The following COL23A1 variants were observed in gnomAD, a reference collection of about 807,000 sequenced individuals.
The protein encoded by COL23A1 is collagen alpha-1(XXIII) chain.
A neutral mutation model predicts 99.3 loss-of-function variants in COL23A1; 97 were observed. That is an observed-to-expected ratio of 0.98 (90% confidence interval 0.83 to 1.16). The LOEUF is 1.16. Ranked by LOEUF, COL23A1 falls within the 50% of genes most tolerant of loss-of-function variation. The probability of loss-of-function intolerance (pLI) is 0.00; values close to 1 mark genes in which losing one functional copy is unlikely to be tolerated. For synonymous variants in COL23A1, 320 were observed against 308.2 expected (o/e 1.04, Z -0.40); for missense variants, 762 against 757.4 (o/e 1.01, Z -0.07).
At chr5:178,553,713 C>T (rs897551523) in intron 2 of COL23A1, among the ~76,000 whole-genome samples, 3 of 152,194 alleles carry the variant, frequency 2.0e-5, no homozygotes, top group African/African-American at 7.2e-5. Flanking sequence ...TGAGGGTTCA[C>T]GGCCACACAC....
intron 2 of COL23A1, among the ~76,000 whole-genome samples, chr5:178,486,518 C>T (rs1012422270): frequency 5.3e-5 from 8 of 150,842 alleles, no homozygotes; most frequent in African/African-American, 9.8e-5. Flanking sequence ...CTACGCTCAA[C>T]GAGAAAAGGA....
rs191626328 is a variant in COL23A1, at chr5:178,339,671, G to C, written c.362-32752C>G. 2.9e-3 allele frequency among the ~76,000 whole-genome samples: 438 copies of C among 152,332 alleles called. 3 individuals are homozygous for C. Among genetic ancestry groups the C allele is most frequent in the Middle Eastern group, 0.01 (3 of 294 alleles). ...TTTATGCACTGGAGTAAACATGAGT[G>C]GGGGGACGTGAATCTGCCAGCGCCT... On this transcript the variant is annotated intron_variant, in intron 2 of 28. Transcript: ENST00000390654.
At chr5:178,250,401 C>A (rs994835259) in intron 17 of COL23A1, among the ~76,000 whole-genome samples, 1 of 152,218 alleles carries the variant, frequency 6.6e-6, no homozygotes, top group Non-Finnish European at 1.5e-5. Context: ...ACCAGATCTG[C>A]CTGACTTCAA....
intron 1 of COL23A1, among the ~76,000 whole-genome samples, chr5:178,577,660 G>C (rs1763449877): frequency 6.6e-6 from 1 of 152,212 alleles, no homozygotes; most frequent in Non-Finnish European, 1.5e-5. Context: ...ACCAGAGCGA[G>C]TGTCAAGGGG....
chr5:178,381,511 T>C (rs1016661746), intron 2 of COL23A1, among the ~76,000 whole-genome samples: 1 of 152,186 alleles, frequency 6.6e-6, no homozygotes, highest in African/African-American at 2.4e-5. Context: ...TGAGCTGTGC[T>C]GTTACCATCT....
At chr5:178,322,022 TTG>T (rs1476085268) in intron 2 of COL23A1, among the ~76,000 whole-genome samples, 1 of 150,202 alleles carries the variant, frequency 6.7e-6, no homozygotes, top group African/African-American at 2.5e-5. Context: ...AGACGGAGTC[TTG>T]CTCTGTCACC....
chr5:178,572,227 A>C (rs1016626676), intron 1 of COL23A1, among the ~76,000 whole-genome samples: 8 of 152,160 alleles, frequency 5.3e-5, no homozygotes, highest in Admixed American at 1.3e-4. Flanking sequence ...AAATGAACAC[A>C]CAGAGAATTA....
chr5:178,453,974 G>C (rs1767630540), intron 2 of COL23A1, among the ~76,000 whole-genome samples: 1 of 152,094 alleles, frequency 6.6e-6, no homozygotes, highest in Non-Finnish European at 1.5e-5. Context: ...AAGTTTGTAA[G>C]ATAAAACCAT....
intron 2 of COL23A1, among the ~76,000 whole-genome samples, chr5:178,368,592 A>G (rs1762623249): frequency 6.6e-6 from 1 of 152,192 alleles, no homozygotes; most frequent in South Asian, 2.1e-4. Context: ...AGCTCCATCC[A>G]TATACCTCTC....
intron 3 of COL23A1, among the ~76,000 whole-genome samples, chr5:178,291,224 G>A (rs934809672): frequency 1.3e-5 from 2 of 152,174 alleles, no homozygotes; most frequent in African/African-American, 4.8e-5. Context: ...AGGCCACACG[G>A]GGAGGCAGCA....
chr5:178,561,063 G>A (rs1030353544), intron 1 of COL23A1, among the ~76,000 whole-genome samples: 3 of 152,156 alleles, frequency 2.0e-5, no homozygotes, highest in South Asian at 2.1e-4. Flanking sequence ...AAGCCACAGC[G>A]ACCACCAGCC....
In COL23A1 at chr5:178,248,233, C is replaced by G; in HGVS notation, c.1171G>C (p.Glu391Gln). ...CTGTCAGACGCCGACTCCCCCTTCT[C>G]CCCCTTGAGGCCGTCAGCGCCCTGC... ...GLPGADGLKG[E>Q]KGESASDSLQ... The change falls in exon 20 of 29, where the codon GAG becomes CAG. Residue 391 changes from glutamate to glutamine, a missense_variant. By Grantham distance (29) the Glu-to-Gln change is conservative. Transcript: ENST00000390654. The G allele has an allele frequency of 3.7e-6, 6 of 1,611,572 alleles. No individual in the cohort carries two copies. The highest frequency in any genetic ancestry group is 1.1e-5 in the South Asian group (1 of 90,826).
At chr5:178,570,703 G>A (rs1224379500) in intron 1 of COL23A1, among the ~76,000 whole-genome samples, 1 of 152,144 alleles carries the variant, frequency 6.6e-6, no homozygotes, top group Non-Finnish European at 1.5e-5. Flanking sequence ...TTTGAGACAG[G>A]CAACAACTGC....
rs776578327 is a variant in COL23A1 at position 178,256,819 on chromosome 5, G to A, written c.837+47C>T. ...ATCTCCCACTCCCGACTGGGTGGAG[G>A]TCTGAGCGGGGCCCGCAGGCGCCAG... On this transcript the variant is annotated intron_variant, in intron 14 of 28. Transcript: ENST00000390654. 7 of 1,573,436 alleles carry A rather than the reference G, an allele frequency of 4.4e-6. No individual in the cohort carries two copies. In the African/African-American group the frequency reaches 9.5e-5, roughly 21 times the overall value.
chr5:178,309,764 G>A lies in COL23A1; in HGVS notation c.362-2845C>T, dbSNP rs904766620. ...CTGGACCCCTTCCTTCTCAGCATCA[G>A]GCGAACGCTGCCCCTGCACTCAGTC... On this transcript the variant is annotated intron_variant, in intron 2 of 28. Transcript: ENST00000390654. The surrounding 1 kb of genome is among the most constrained non-coding windows in gnomAD (Gnocchi z 4.7). Among the ~76,000 whole-genome samples, 5 of 151,684 alleles carry A rather than the reference G, an allele frequency of 3.3e-5. No individual in the cohort carries two copies. The highest frequency in any genetic ancestry group is 1.3e-4 in the Admixed American group (2 of 15,230).
At chr5:178,576,756 T>A (rs1763383445) in intron 1 of COL23A1, among the ~76,000 whole-genome samples, 2 of 151,520 alleles carry the variant, frequency 1.3e-5, no homozygotes, top group Non-Finnish European at 3.0e-5. Context: ...CCCCAACGGG[T>A]CCCCCGGCGA....
intron 2 of COL23A1, among the ~76,000 whole-genome samples, chr5:178,391,503 G>C (rs1763960859): frequency 6.6e-6 from 1 of 152,186 alleles, no homozygotes; most frequent in Admixed American, 6.5e-5. Context: ...AGACAGCAGG[G>C]AAATGCAAAT....
At position 178,439,110 on chromosome 5, in the gene COL23A1, G is replaced by A. The variant is rs755399884; in HGVS notation, c.361+121572C>T. ...CAGTTACATCAGGACCCAGCCAGCA[G>A]ATTTTAAAGTTTTCCAGGTGATTCA... On this transcript the variant is annotated intron_variant, in intron 2 of 28. Coordinates refer to ENST00000390654, the MANE Select transcript of COL23A1 (RefSeq NM_173465.4). The surrounding 1 kb of genome is among the most constrained non-coding windows in gnomAD (Gnocchi z 4.2). The A allele has an allele frequency of 5.9e-5, 9 of 152,264 alleles. No individual in the cohort carries two copies. Among genetic ancestry groups the A allele is most frequent in the Non-Finnish European group, 8.8e-5 (6 of 68,106 alleles). The allele number at this position is 152,264 out of a possible 1,614,324, so 9.4% of individuals were successfully genotyped here. A position where few individuals can be genotyped will look rare whatever the true frequency, so the allele number is the denominator to read the frequency against.
At chr5:178,399,086 C>T (rs1414426906) in intron 2 of COL23A1, among the ~76,000 whole-genome samples, 2 of 152,228 alleles carry the variant, frequency 1.3e-5, no homozygotes, top group Admixed American at 6.5e-5. Flanking sequence ...CTGGAAGGGG[C>T]ACCTGGTCCA....
Sources: allele counts gnomAD v4.1 joint callset (sites outside exome capture counted in the v4.1 genomes callset), GRCh38; gene constraint gnomAD v4.1.1; non-coding constraint Gnocchi (gnomAD v3.1); transcripts MANE v1.5; gene names NCBI Gene and HGNC (gene_info 2026-07-23, HGNC 2026-07-21).